The following MPHOSPH8 variants were observed in gnomAD, a reference collection of about 807,000 sequenced individuals.
MPHOSPH8 encodes M-phase phosphoprotein 8, also known as M-phase phosphoprotein, mpp.
A neutral mutation model predicts 87.3 loss-of-function variants in MPHOSPH8; 45 were observed. That is an observed-to-expected ratio of 0.52 (90% CI 0.41 to 0.66). The LOEUF is 0.66. MPHOSPH8 is among the 30% of genes least tolerant of loss of function. The pLI is 0.00. For missense variants in MPHOSPH8, 883 were observed against 1,020.2 expected (o/e 0.87, Z 1.83); for synonymous variants, 366 against 376.9 (o/e 0.97, Z 0.33).
At chr13:19,667,468 T>C (rs1875882663) in intron 10 of MPHOSPH8, among the ~76,000 whole-genome samples, 1 of 152,192 alleles carries the variant, frequency 6.6e-6, no homozygotes, top group Non-Finnish European at 1.5e-5. Context: ...CTCATCACAG[T>C]GTCATACAGA....
At chr13:19,666,273 G>A (rs892665486) in intron 9 of MPHOSPH8, 152 bp from the exon 10 acceptor site, 11 of 658,394 alleles carry the variant, frequency 1.7e-5, no homozygotes, top group African/African-American at 5.3e-5. Flanking sequence ...GACTCCTAAC[G>A]CTGTGGCCTG....
At chr13:19,641,027 G>C (rs557472475) in intron 1 of MPHOSPH8, among the ~76,000 whole-genome samples, 46 of 152,122 alleles carry the variant, frequency 3.0e-4, no homozygotes, top group African/African-American at 1.1e-3. Flanking sequence ...TTTATTATTT[G>C]GTTCTTCCTA....
At chr13:19,668,706 C>T (rs999598996) in intron 11 of MPHOSPH8, among the ~76,000 whole-genome samples, 175 bp downstream of exon 11, 12 of 152,184 alleles carry the variant, frequency 7.9e-5, no homozygotes, top group Admixed American at 4.6e-4. Context: ...CCAGCTGACA[C>T]CCCATCCCTG....
chr13:19,633,662 G>A lies in MPHOSPH8; in HGVS notation c.-87G>A. ...GGTCGGCTTCCGTTACGCCGCTGAT[G>A]TGGAGTAGGGCCGAGCGCGGAACGC... is the stretch of plus-strand genomic sequence containing the variant. On this transcript the variant is annotated 5_prime_UTR_variant, in exon 1 of 14. It adds an upstream start codon to the 5' untranslated region. Transcript: ENST00000361479. 1 of 1,421,032 alleles carries A rather than the reference G, an allele frequency of 7.0e-7. No homozygotes were observed. The highest frequency in any genetic ancestry group is 9.7e-7 in the Non-Finnish European group (1 of 1,031,594). 88.0% of individuals were successfully genotyped at this position (1,421,032 alleles called of 1,614,324 possible).
chr13:19,666,570 A>G lies in MPHOSPH8; in HGVS notation c.2165A>G (p.His722Arg), dbSNP rs1404040856. Residue 722 changes from histidine to arginine, a missense_variant, in exon 10 of 14, where the codon CAT becomes CGT. By Grantham distance (29) the His-to-Arg change is conservative (BLOSUM62 0). Transcript: ENST00000361479. Reference sequence around the variant, plus strand: ...CTTGTGTACGACTTGCTGAAGAACCATTTAGAGACGTAAGTGAGAAGCGAC... The same window carrying G: ...CTTGTGTACGACTTGCTGAAGAACCGTTTAGAGACGTAAGTGAGAAGCGAC... ...NVLVYDLLKNHLETLSRVAEE... is the reference protein window; with the variant it reads ...NVLVYDLLKNRLETLSRVAEE... 1 of 1,579,520 alleles carries G rather than the reference A, an allele frequency of 6.3e-7. No individual in the cohort carries two copies. The highest frequency in any genetic ancestry group is 1.1e-5 in the South Asian group (1 of 88,766).
At chr13:19,657,820 G>T (rs1161015496) in intron 5 of MPHOSPH8, among the ~76,000 whole-genome samples, 1 of 152,094 alleles carries the variant, frequency 6.6e-6, no homozygotes, top group Non-Finnish European at 1.5e-5. Flanking sequence ...TGCTTCCTCA[G>T]TGGTGGGATG....
intron 5 of MPHOSPH8, among the ~76,000 whole-genome samples, chr13:19,657,003 T>A (rs958937806): frequency 2.7e-5 from 4 of 147,562 alleles, no homozygotes; most frequent in African/African-American, 1.0e-4. Flanking sequence ...ACGCCTGTGG[T>A]CCCAGCTACT....
chr13:19,639,603 C>T (rs139634539), intron 1 of MPHOSPH8, among the ~76,000 whole-genome samples: 9 of 152,130 alleles, frequency 5.9e-5, no homozygotes, highest in Non-Finnish European at 1.2e-4. Flanking sequence ...GCCACCACAC[C>T]TGGCCTACCC....
intron 2 of MPHOSPH8, among the ~76,000 whole-genome samples, chr13:19,642,886 A>G (rs1874373362): frequency 6.6e-6 from 1 of 152,198 alleles, no homozygotes; most frequent in Non-Finnish European, 1.5e-5. Context: ...TAATAATAAT[A>G]GCAATAACAG....
chr13:19,653,942 T>C (rs1875006238), intron 5 of MPHOSPH8, among the ~76,000 whole-genome samples: 1 of 152,100 alleles, frequency 6.6e-6, no homozygotes, highest in Non-Finnish European at 1.5e-5. Flanking sequence ...TTAGTGTACG[T>C]GAAAGTGACG....
At chr13:19,668,276 T>G (rs1593492308) in intron 10 of MPHOSPH8, 101 bp from the exon 11 acceptor site, 2 of 1,000,742 alleles carry the variant, frequency 2.0e-6, no homozygotes. Context: ...GAGCTGCAGG[T>G]CTTTGTTTGG....
intron 1 of MPHOSPH8, among the ~76,000 whole-genome samples, chr13:19,640,201 A>T (rs1874217296): frequency 6.6e-6 from 1 of 152,198 alleles, no homozygotes; most frequent in Admixed American, 6.5e-5. Context: ...TAGTTACTTT[A>T]TCTAGAAGCT....
chr13:19,672,390 C>A lies in MPHOSPH8; in HGVS notation c.*515C>A, dbSNP rs1350304966. On this transcript the variant is annotated 3_prime_UTR_variant, in exon 14 of 14. Coordinates refer to ENST00000361479, the MANE Select transcript of MPHOSPH8 (RefSeq NM_017520.4). ...AACTCCTGACCTCAGGTGATCCGCC[C>A]GCCTCGGCCTCCCAAAGTGCTTGGA... 2 of 152,802 alleles carry A rather than the reference C, an allele frequency of 1.3e-5. No homozygotes were observed. Among genetic ancestry groups the A allele is most frequent in the South Asian group, 2.0e-4 (1 of 4,898 alleles). The allele number at this position is 152,802 out of a possible 1,614,324, so 9.5% of individuals were successfully genotyped here. A position where few individuals can be genotyped will look rare whatever the true frequency, so the allele number is the denominator to read the frequency against.
At position 19,648,321 on chromosome 13, in the gene MPHOSPH8, G is replaced by A. The variant is rs1016231558; in HGVS notation, c.1219-101G>A. The A allele has an allele frequency of 1.2e-5, 8 of 669,180 alleles. No homozygotes were observed. The South Asian group carries it at 1.4e-4, about 11-fold the overall frequency. The allele number at this position is 669,180 out of a possible 1,614,324, so 41.5% of individuals were successfully genotyped here. ...TTATCATGTACCACAGTATACAAGG[G>A]TGATTCCCTGAAGCCACAAACCTGT... On this transcript the variant is annotated intron_variant, in intron 3 of 13. Transcript: ENST00000361479.
chr13:19,643,109 T>C (rs530830241), intron 2 of MPHOSPH8, among the ~76,000 whole-genome samples: 1 of 152,366 alleles, frequency 6.6e-6, no homozygotes, highest in South Asian at 2.1e-4. Context: ...AGCTTTTTTT[T>C]CTTTTTTGAG....
At chr13:19,669,840 TGGAA>T (rs918924342) in intron 11 of MPHOSPH8, among the ~76,000 whole-genome samples, 2 of 152,078 alleles carry the variant, frequency 1.3e-5, no homozygotes, top group African/African-American at 4.8e-5. Flanking sequence ...TCAGAAAAAT[TGGAA>T]GGGGCAAAAG....
At chr13:19,650,430 C>T in intron 5 of MPHOSPH8, 170 bp downstream of exon 5, 1 of 673,618 alleles carries the variant, frequency 1.5e-6, no homozygotes. Context: ...CATTCTGTGA[C>T]TTCTCAATGG....
chr13:19,646,159 A>C (rs1488564441), intron 2 of MPHOSPH8, among the ~76,000 whole-genome samples: 1 of 152,192 alleles, frequency 6.6e-6, no homozygotes, highest in Non-Finnish European at 1.5e-5. Flanking sequence ...TTTATAGCCC[A>C]CCATACCTGA....
At chr13:19,656,291 A>C (rs1305044952) in intron 5 of MPHOSPH8, among the ~76,000 whole-genome samples, 2 of 151,062 alleles carry the variant, frequency 1.3e-5, no homozygotes, top group African/African-American at 2.4e-5. Flanking sequence ...AAAAAAAAAA[A>C]AAAAAAAAAC....
Sources: gnomAD v4.1 joint callset for allele counts (sites outside exome capture counted in the v4.1 genomes callset) on GRCh38, gnomAD v4.1.1 for gene constraint, MANE v1.5 for transcripts, NCBI Gene and HGNC (gene_info 2026-07-23, HGNC 2026-07-21) for gene names.